Variants in SZT2 observed in about 807,000 individuals in gnomAD.
SZT2 encodes KICSTOR complex protein SZT2.
SZT2 carries 216 observed loss-of-function variants against 404.2 expected under a neutral mutation model. That is an observed-to-expected ratio of 0.53 (90% CI 0.48 to 0.60). The LOEUF (loss-of-function observed/expected upper bound fraction) is 0.60. SZT2 is among the 20% of genes least tolerant of loss of function. The pLI is 0.00. For missense variants in SZT2, 3,857 were observed against 4,459.2 expected, an observed-to-expected ratio of 0.86 and a Z score of 3.85; for synonymous variants, 1,693 against 1,749.9, an observed-to-expected ratio of 0.97 and a Z score of 0.81.
At chr1:43,409,233 GAGTT>G (rs1356297586) in intron 4 of SZT2, among the ~76,000 whole-genome samples, 1 of 152,164 alleles carries the variant, frequency 6.6e-6, no homozygotes, top group African/African-American at 2.4e-5. Context: ...TGCTTTCAGA[GAGTT>G]AGAGAGTAGT....
chr1:43,425,661 GT>G lies in SZT2; in HGVS notation c.2814+20del, dbSNP rs1653056490. ...GCAAGCTGTGAGTGTCCTCAGAACAGTACCCGCACCTCTCTCACTGGATTGG... is the reference window on the plus strand; with the variant it reads ...GCAAGCTGTGAGTGTCCTCAGAACAGACCCGCACCTCTCTCACTGGATTGG... On this transcript the variant is annotated intron_variant, in intron 19 of 71. Transcript: ENST00000634258. This position sits in a 1 kb window ranked among gnomAD's most constrained non-coding sequence, Gnocchi z 4.3. 3 of 1,612,428 alleles carry G rather than the reference GT, an allele frequency of 1.9e-6. No individual in the cohort carries two copies. In the East Asian group the frequency reaches 6.7e-5, roughly 36 times the overall value.
chr1:43,396,005 A>G (rs755490602), intron 1 of SZT2, among the ~76,000 whole-genome samples: 25 of 152,360 alleles, frequency 1.6e-4, no homozygotes, highest in South Asian at 4.1e-4. Flanking sequence ...GAATGATCGT[A>G]TGTGTCCAAA....
At chr1:43,404,099 C>T (rs766287863) in intron 3 of SZT2, 50 of 511,332 alleles carry the variant, frequency 9.8e-5, no homozygotes, top group East Asian at 7.1e-4. Flanking sequence ...CCTAGCTACT[C>T]GGGAGGCTGA....
rs746889926 is a variant in SZT2, at chr1:43,451,435, G to A, written c.*955G>A. The A allele has an allele frequency of 5.6e-6, 9 of 1,613,474 alleles. No homozygotes were observed. The highest frequency in any genetic ancestry group is 2.2e-5 in the South Asian group (2 of 91,088). ...CTCGAGGCTGATACTCACAGCCCAC[G>A]AAGCCTTTGTAGCCTTCATCTTCCA... On this transcript the variant is annotated 3_prime_UTR_variant, in exon 72 of 72. Transcript: ENST00000634258.
chr1:43,453,794 G>A lies in SZT2; in HGVS notation c.*3314G>A, dbSNP rs1656741572. The A allele has an allele frequency of 1.6e-6, 2 of 1,267,104 alleles. No individual in the cohort carries two copies. Among genetic ancestry groups the A allele is most frequent in the Non-Finnish European group, 2.0e-6 (2 of 1,009,238 alleles). 78.5% of individuals were successfully genotyped at this position (1,267,104 alleles called of 1,614,324 possible). A position where few individuals can be genotyped will look rare whatever the true frequency, so the allele number is the denominator to read the frequency against. On this transcript the variant is annotated 3_prime_UTR_variant, in exon 72 of 72. Transcript: ENST00000634258. Reference sequence around the variant, plus strand: ...TGGCGGAGAAGCGCAGCGGCGCCATGCCTGGGGAGGCCGGGCCGGGCGGAG... The same window carrying A: ...TGGCGGAGAAGCGCAGCGGCGCCATACCTGGGGAGGCCGGGCCGGGCGGAG...
chr1:43,400,357 C>T (rs1208651295), intron 1 of SZT2, among the ~76,000 whole-genome samples: 1 of 152,088 alleles, frequency 6.6e-6, no homozygotes, highest in Non-Finnish European at 1.5e-5. Context: ...GCTCATTACC[C>T]CCATTGTGCT....
Position 43,425,703 on chromosome 1 carries a change from G to A in SZT2, c.2814+61G>A. ...ACTGGATTGGGGTGCCATCTCTTTTGGAGTACTGCAGTCTGTGGGCTTCCT... is the reference window on the plus strand; with the variant it reads ...ACTGGATTGGGGTGCCATCTCTTTTAGAGTACTGCAGTCTGTGGGCTTCCT... On this transcript the variant is annotated intron_variant, in intron 19 of 71. Coordinates refer to ENST00000634258, the MANE Select transcript of SZT2 (RefSeq NM_001365999.1). This position sits in a 1 kb window ranked among gnomAD's most constrained non-coding sequence, Gnocchi z 4.3. The A allele has an allele frequency of 1.2e-6, 2 of 1,604,218 alleles. No individual in the cohort carries two copies. The highest frequency in any genetic ancestry group is 1.7e-6 in the Non-Finnish European group (2 of 1,174,116).
At position 43,448,068 on chromosome 1, in the gene SZT2, C is replaced by T. The variant is rs746864607; in HGVS notation, c.9564-11C>T. 6.1e-5 allele frequency: 98 copies of T among 1,599,768 alleles called. No individual in the cohort carries two copies. Among genetic ancestry groups the T allele is most frequent in the Non-Finnish European group, 7.4e-5 (87 of 1,170,270 alleles). On this transcript the variant is annotated splice_polypyrimidine_tract_variant and intron_variant, in intron 68 of 71. Coordinates refer to ENST00000634258, the MANE Select transcript of SZT2 (RefSeq NM_001365999.1). The surrounding 1 kb of genome is among the most constrained non-coding windows in gnomAD (Gnocchi z 4.2). ...ACAACCACCACTCTCCTGCCCTGCT[C>T]CCCACCCCAGGCTACAGTTCTTCGT...
chr1:43,401,692 GC>G (rs748802893), intron 1 of SZT2, among the ~76,000 whole-genome samples: 2 of 151,894 alleles, frequency 1.3e-5, no homozygotes, highest in Non-Finnish European at 2.9e-5. Context: ...CACCATGTTG[GC>G]CAGGCTGGTC....
In SZT2 at chr1:43,424,952, A is replaced by G; in HGVS notation, c.2550+90A>G. ...CTGAGCTGGGTTGGGACTGCTGGAA[A>G]CTGCCTCACAGGGACCCTGTGGCCA... On this transcript the variant is annotated intron_variant, in intron 17 of 71. Coordinates refer to ENST00000634258, the MANE Select transcript of SZT2 (RefSeq NM_001365999.1). This position sits in a 1 kb window ranked among gnomAD's most constrained non-coding sequence, Gnocchi z 4.1. 1 of 1,514,388 alleles carries G rather than the reference A, an allele frequency of 6.6e-7. No homozygotes were observed. Among genetic ancestry groups the G allele is most frequent in the Non-Finnish European group, 9.1e-7 (1 of 1,093,050 alleles). 93.8% of individuals were successfully genotyped at this position (1,514,388 alleles called of 1,614,324 possible). A position where few individuals can be genotyped will look rare whatever the true frequency, so the allele number is the denominator to read the frequency against.
intron 4 of SZT2, chr1:43,409,565 G>A (rs2153930621): frequency 3.7e-6 from 1 of 272,578 alleles, no homozygotes. Flanking sequence ...AACAAATTCA[G>A]TAAAGTTGCA....
Position 43,430,739 on chromosome 1 carries a change from T to C in SZT2, c.4724T>C (p.Leu1575Pro). 1 of 1,612,890 alleles carries C rather than the reference T, an allele frequency of 6.2e-7. No individual in the cohort carries two copies. The highest frequency in any genetic ancestry group is 1.1e-5 in the South Asian group (1 of 91,086). The change falls in exon 32 of 72, where the codon CTA (leucine) becomes CCA (proline). Residue 1575 changes from leucine to proline, a missense_variant. Leu to Pro is a moderately conservative substitution (Grantham distance 98). This residue lies in a region of SZT2 where 1,725 missense variants were observed against 1,881.0 expected (regional missense o/e 0.92). Transcript: ENST00000634258. ...CTGCACCTCACGTGCTCCGTGCGGC[T>C]ACGTGGGCAGCACAGCTCAGTACCT... ...LFLHLTCSVR[L>P]RGQHSSVPVC...
In SZT2 at chr1:43,439,954, G is replaced by A. The variant is rs1334579896; in HGVS notation, c.7116G>A (p.Glu2372=). The part of the protein sequence containing the change: ...KGNISIVQLE[E]KLRGAARQAL... ...ACATTAGTATTGTGCAGCTGGAGGA[G>A]AAACTCCGAGGAGCAGCTCGCCAGG... Residue 2372 remains glutamate, a synonymous_variant, in exon 51 of 72, where the codon GAG becomes GAA. Transcript: ENST00000634258. This position sits in a 1 kb window ranked among gnomAD's most constrained non-coding sequence, Gnocchi z 4.2. The A allele has an allele frequency of 1.9e-6, 3 of 1,613,868 alleles. No homozygotes were observed. The East Asian group carries it at 6.7e-5, about 36-fold the overall frequency.
chr1:43,412,942 AT>A (rs1352641196), intron 4 of SZT2, among the ~76,000 whole-genome samples: 1 of 152,236 alleles, frequency 6.6e-6, no homozygotes, highest in East Asian at 1.9e-4. Flanking sequence ...AGAAATGCAA[AT>A]GAAAACTGCA....
intron 62 of SZT2, among the ~76,000 whole-genome samples, 196 bp downstream of exon 62, chr1:43,443,992 G>A (rs1655392532): frequency 6.6e-6 from 1 of 152,212 alleles, no homozygotes; most frequent in Admixed American, 6.5e-5. Flanking sequence ...TGCAGACCTT[G>A]TATGCTTTAT....
rs367723050 is a variant in SZT2 at position 43,426,850 on chromosome 1, C to T, written c.3309+41C>T. Reference sequence around the variant, plus strand: ...TCTCCCTGAGCCCTTGTCACACTGACCTCCTTCCAGCACCACATCTTCAGG... The same window carrying T: ...TCTCCCTGAGCCCTTGTCACACTGATCTCCTTCCAGCACCACATCTTCAGG... On this transcript the variant is annotated intron_variant, in intron 23 of 71. Coordinates refer to ENST00000634258, the MANE Select transcript of SZT2 (RefSeq NM_001365999.1). The surrounding 1 kb of genome is among the most constrained non-coding windows in gnomAD (Gnocchi z 4.9). 164 of 1,597,296 alleles carry T rather than the reference C, an allele frequency of 1.0e-4. No individual in the cohort carries two copies. The highest frequency in any genetic ancestry group is 3.3e-4 in the Middle Eastern group (2 of 6,026).
At position 43,448,627 on chromosome 1, in the gene SZT2, A is replaced by G; in HGVS notation, c.9985A>G (p.Met3329Val). Reference sequence around the variant, plus strand: ...CCTCCCTCAGGACTGCTTCCTATCCATGACGGTCTCCTGGTACCAGAGCCT... The same window carrying G: ...CCTCCCTCAGGACTGCTTCCTATCCGTGACGGTCTCCTGGTACCAGAGCCT... ...IDPQLDCFLS[M>V]TVSWYQSLIK... The change falls in exon 70 of 72, where the codon ATG becomes GTG. Residue 3329 changes from methionine (M) to valine (V), a missense_variant. Coordinates refer to ENST00000634258, the MANE Select transcript of SZT2 (RefSeq NM_001365999.1). This position sits in a 1 kb window ranked among gnomAD's most constrained non-coding sequence, Gnocchi z 4.2. 6.2e-7 allele frequency: 1 copy of G among 1,614,168 alleles called. No homozygotes were observed. The highest frequency in any genetic ancestry group is 8.5e-7 in the Non-Finnish European group (1 of 1,180,024).
intron 67 of SZT2, 49 bp from the exon 68 acceptor site, chr1:43,447,800 G>C (rs1655864827): frequency 6.2e-7 from 1 of 1,612,240 alleles, no homozygotes; most frequent in African/African-American, 1.3e-5. Flanking sequence ...GGTGAGGTTT[G>C]TTTTATTAGA....
At chr1:43,434,509 C>A in intron 41 of SZT2, 24 bp downstream of exon 41, 3 of 1,565,668 alleles carry the variant, frequency 1.9e-6, no homozygotes, top group East Asian at 2.3e-5. Context: ...CTCTCCAGAC[C>A]CGGACACACA....
Sources: allele counts gnomAD v4.1 joint callset (sites outside exome capture counted in the v4.1 genomes callset), GRCh38; gene constraint gnomAD v4.1.1; regional missense constraint gnomAD v4.1.1; non-coding constraint Gnocchi (gnomAD v3.1); transcripts MANE v1.5; gene names NCBI Gene and HGNC (gene_info 2026-07-23, HGNC 2026-07-21).